Variants in GLE1 observed in about 807,000 individuals in gnomAD.
The protein encoded by GLE1 is mRNA export factor GLE1.
GLE1 carries 78 observed loss-of-function variants against 97.3 expected under a neutral mutation model. The observed-to-expected ratio is 0.80, with a 90% confidence interval of 0.67 to 0.97. The LOEUF (loss-of-function observed/expected upper bound fraction) is 0.97, where lower values mean the gene tolerates loss of function less well. Among genes scored for constraint, GLE1 ranks in the 50% least tolerant of loss-of-function variants. GLE1 has a pLI of 0.00. For synonymous variants in GLE1, 302 were observed against 313.4 expected (o/e 0.96, Z 0.39); for missense variants, 753 against 857.5 (o/e 0.88, Z 1.52).
At chr9:128,533,293 T>C (rs1847578847) in intron 9 of GLE1, among the ~76,000 whole-genome samples, 2 of 150,098 alleles carry the variant, frequency 1.3e-5, no homozygotes, top group Non-Finnish European at 3.0e-5. Flanking sequence ...TAGCCCAGTG[T>C]GGTGGCGGGC....
intron 12 of GLE1, 140 bp downstream of exon 12, chr9:128,536,624 T>C: frequency 1.4e-6 from 1 of 739,730 alleles, no homozygotes; most frequent in Non-Finnish European, 2.4e-6. Flanking sequence ...ATGGGTATTA[T>C]GTAGAGGACT....
intron 15 of GLE1, 97 bp downstream of exon 15, chr9:128,540,435 T>C: frequency 2.5e-6 from 2 of 801,316 alleles, no homozygotes; most frequent in African/African-American, 1.7e-5. Context: ...CTGATTGCAC[T>C]CTCTTCCTTA....
intron 14 of GLE1, 41 bp from the exon 15 acceptor site, chr9:128,540,229 AGGTGT>A (rs759161663): frequency 8.0e-7 from 1 of 1,245,634 alleles, no homozygotes; most frequent in Non-Finnish European, 1.2e-6. Flanking sequence ...TCCAAAAGAT[AGGTGT>A]ATATCATAGG....
At chr9:128,507,273 G>A (rs766220312) in intron 1 of GLE1, among the ~76,000 whole-genome samples, 11 of 152,054 alleles carry the variant, frequency 7.2e-5, no homozygotes, top group Non-Finnish European at 1.3e-4. Context: ...GAGGCAGGAC[G>A]AGTGCTTGAG....
At position 128,527,390 on chromosome 9, in the gene GLE1, C is replaced by G. The variant is rs1220271482; in HGVS notation, c.1243-66C>G. On this transcript the variant is annotated intron_variant, in intron 8 of 15. Coordinates refer to ENST00000309971, the MANE Select transcript of GLE1 (RefSeq NM_001003722.2). The stretch of plus-strand genomic sequence containing the variant: ...GGAATGTAGCTGGCATGTCACTTTA[C>G]CTGATTCTAAGTGACATCTACTCAG... 4.6e-6 allele frequency: 6 copies of G among 1,313,892 alleles called. No homozygotes were observed. In the South Asian group the frequency reaches 7.1e-5, roughly 16 times the overall value. 81.4% of individuals were successfully genotyped at this position (1,313,892 alleles called of 1,614,324 possible).
Position 128,527,219 on chromosome 9 carries a change from C to G in GLE1, c.1170C>G (p.Tyr390Ter), listed in dbSNP as rs2132472757. The G allele has an allele frequency of 6.2e-7, 1 of 1,610,614 alleles. No individual in the cohort carries two copies. The highest frequency in any genetic ancestry group is 8.5e-7 in the Non-Finnish European group (1 of 1,176,798). Residue 390 changes from tyrosine to a stop codon, truncating the protein, a stop_gained, in exon 8 of 16, where the codon TAC (tyrosine) becomes TAG (stop). Coordinates refer to ENST00000309971, the MANE Select transcript of GLE1 (RefSeq NM_001003722.2). LOFTEE classifies it high-confidence loss of function. ...VKVQDITMQW[Y>*]QQLQDASMQC... ...TACAAGACATTACAATGCAGTGGTA[C>G]CAGCAGCTGCAGGATGCTTCCATGC...
At chr9:128,540,235 A>T in intron 14 of GLE1, 40 bp from the exon 15 acceptor site, 2 of 1,326,412 alleles carry the variant, frequency 1.5e-6, no homozygotes, top group Non-Finnish European at 2.2e-6. Context: ...AGATAGGTGT[A>T]TATCATAGGT....
At chr9:128,515,489 AC>A in intron 2 of GLE1, 39 bp from the exon 3 acceptor site, 1 of 1,088,048 alleles carries the variant, frequency 9.2e-7, no homozygotes, top group South Asian at 1.3e-5. Flanking sequence ...CATATTAAAA[AC>A]TTATTTTTTA....
intron 2 of GLE1, among the ~76,000 whole-genome samples, chr9:128,515,289 A>G (rs564225367): frequency 1.3e-5 from 2 of 152,212 alleles, no homozygotes; most frequent in Admixed American, 6.5e-5. Flanking sequence ...CAAAAAAAAC[A>G]TAGAAAAACC....
At position 128,504,722 on chromosome 9, in the gene GLE1, A is replaced by C. The variant is rs886063488; in HGVS notation, c.-84A>C. On this transcript the variant is annotated 5_prime_UTR_variant, in exon 1 of 16. Transcript: ENST00000309971. ...GCTGCGCGCGCGTCCCGGAAGCAGA[A>C]GCCTGTGTGGCCTTCCCGGCGGCTG... 1.4e-5 allele frequency: 13 copies of C among 933,530 alleles called. No homozygotes were observed. The highest frequency in any genetic ancestry group is 2.3e-5 in the Non-Finnish European group (13 of 568,960). The allele number at this position is 933,530 out of a possible 1,614,324, so 57.8% of individuals were successfully genotyped here.
chr9:128,523,588 A>G lies in GLE1; in HGVS notation c.643-4A>G, dbSNP rs369804957. 637 of 1,613,898 alleles carry G rather than the reference A, an allele frequency of 3.9e-4. No individual in the cohort carries two copies. Among genetic ancestry groups the G allele is most frequent in the South Asian group, 6.0e-4 (55 of 91,084 alleles). On this transcript the variant is annotated splice_region_variant and splice_polypyrimidine_tract_variant and intron_variant, in intron 5 of 15. Transcript: ENST00000309971. ...GAGAGAAGTCACTCAGCCCTTTTCT[A>G]CAGATTCTCAACCTGAAGCTGCGGG...
Position 128,533,826 on chromosome 9 carries a change from C to T in GLE1, c.1521C>T (p.Ser507=), listed in dbSNP as rs763510511. The T allele has an allele frequency of 6.2e-6, 10 of 1,613,894 alleles. No homozygotes were observed. The Admixed American group carries it at 8.3e-5, about 13-fold the overall frequency. ...CATTCCCCATTGCAGTTGTGGCATC[C>T]GGGATCTGGGAGCTCCACCCCAGAG... ...EAAFPIAVVA[S]GIWELHPRVG... Residue 507 remains serine, a synonymous_variant, in exon 11 of 16, where the codon TCC becomes TCT. Coordinates refer to ENST00000309971, the MANE Select transcript of GLE1 (RefSeq NM_001003722.2).
intron 1 of GLE1, among the ~76,000 whole-genome samples, chr9:128,505,622 C>A (rs982989672): frequency 6.6e-6 from 1 of 152,194 alleles, no homozygotes; most frequent in Admixed American, 6.5e-5. Flanking sequence ...GGCAGGAATA[C>A]CACAGAAATG....
rs7048583 is a variant in GLE1, at chr9:128,537,864, G to A, written c.1777-122G>A. The A allele has an allele frequency of 0.71, 505,510 of 710,666 alleles. 186,143 individuals are homozygous for A. Among genetic ancestry groups the A allele is most frequent in the Non-Finnish European group, 0.78 (301,482 of 384,980 alleles). 44.0% of individuals were successfully genotyped at this position (710,666 alleles called of 1,614,324 possible). On this transcript the variant is annotated intron_variant, in intron 12 of 15. Transcript: ENST00000309971. ...TAGTTTGTGTTATTTCTGCCCTGTGGCAGGTGCTAGGGCTGGATGATCTGG... is the reference window on the plus strand; with the variant it reads ...TAGTTTGTGTTATTTCTGCCCTGTGACAGGTGCTAGGGCTGGATGATCTGG...
intron 2 of GLE1, among the ~76,000 whole-genome samples, chr9:128,513,553 CA>C (rs1293645353): frequency 6.6e-6 from 1 of 151,630 alleles, no homozygotes; most frequent in Non-Finnish European, 1.5e-5. Flanking sequence ...TCCATATTTA[CA>C]AAAAAATTAC....
At chr9:128,537,786 G>A (rs929484620) in intron 12 of GLE1, among the ~76,000 whole-genome samples, 200 bp from the exon 13 acceptor site, 5 of 152,160 alleles carry the variant, frequency 3.3e-5, no homozygotes, top group African/African-American at 1.2e-4. Flanking sequence ...CTCCAACCTG[G>A]ACAACAAAGT....
At position 128,526,349 on chromosome 9, in the gene GLE1, T is replaced by G. The variant is rs188479400; in HGVS notation, c.1130-830T>G. Among the ~76,000 whole-genome samples, 39 of 151,252 alleles carry G rather than the reference T, an allele frequency of 2.6e-4. No individual in the cohort carries two copies. The East Asian group carries it at 7.3e-3, about 28-fold the overall frequency. On this transcript the variant is annotated intron_variant, in intron 7 of 15. Coordinates refer to ENST00000309971, the MANE Select transcript of GLE1 (RefSeq NM_001003722.2). ...AGTCTAATTTTTCTTTTTTGGTGTGTTTTGTTTTTGTTTTTGTTTTTTTTG... is the reference window on the plus strand; with the variant it reads ...AGTCTAATTTTTCTTTTTTGGTGTGGTTTGTTTTTGTTTTTGTTTTTTTTG...
Position 128,541,403 on chromosome 9 carries a change from T to G in GLE1, c.*233T>G, listed in dbSNP as rs991011442. The G allele has an allele frequency of 3.6e-6, 2 of 554,892 alleles. No individual in the cohort carries two copies. The highest frequency in any genetic ancestry group is 3.8e-5 in the African/African-American group (2 of 52,868). The allele number at this position is 554,892 out of a possible 1,614,324, so 34.4% of individuals were successfully genotyped here. ...GATCCACGTGATAAAATAAATGGAG[T>G]TGGCCTTTCTTGTTTTTTGCAAAAG... On this transcript the variant is annotated 3_prime_UTR_variant, in exon 16 of 16. Coordinates refer to ENST00000309971, the MANE Select transcript of GLE1 (RefSeq NM_001003722.2).
At position 128,541,111 on chromosome 9, in the gene GLE1, C is replaced by CAACAA. The variant is rs779144560; in HGVS notation, c.2042_2043insAAACA (p.His681GlnfsTer13). ...ATCTTTCCCTGACCAGAAATGTTTG[C>CAACAA]AACACAAGGACATTCCTGTCCCCAA... On this transcript the variant is annotated frameshift_variant, in exon 16 of 16. Transcript: ENST00000309971. LOFTEE classifies it high-confidence loss of function. 1 of 1,571,446 alleles carries CAACAA rather than the reference C, an allele frequency of 6.4e-7. No individual in the cohort carries two copies.
Sources: gnomAD v4.1 joint callset for allele counts (sites outside exome capture counted in the v4.1 genomes callset) on GRCh38, gnomAD v4.1.1 for gene constraint, MANE v1.5 for transcripts, NCBI Gene and HGNC (gene_info 2026-07-23, HGNC 2026-07-21) for gene names.